The following PIP4P2 variants were observed in gnomAD, a reference collection of about 807,000 sequenced individuals.
The protein encoded by PIP4P2 is type 2 phosphatidylinositol 4,5-bisphosphate 4-phosphatase.
A neutral mutation model predicts 33.3 loss-of-function variants in PIP4P2; 19 were observed. That is an observed-to-expected ratio of 0.57 (90% CI 0.40 to 0.84). PIP4P2 has a LOEUF of 0.84. Among genes scored for constraint, PIP4P2 ranks in the 40% least tolerant of loss-of-function variants. PIP4P2 has a pLI of 0.00. For missense variants in PIP4P2, 270 were observed against 324.7 expected, an observed-to-expected ratio of 0.83 and a Z score of 1.29; for synonymous variants, 110 against 111.9, an observed-to-expected ratio of 0.98 and a Z score of 0.11.
intron 4 of PIP4P2, 61 bp downstream of exon 4, chr8:91,018,329 C>T: frequency 2.5e-6 from 4 of 1,610,502 alleles, no homozygotes; most frequent in Non-Finnish European, 3.4e-6. Context: ...ATGAGCAGTG[C>T]TCTAATCTGT....
chr8:91,029,297 A>AG (rs892456931), intron 1 of PIP4P2, among the ~76,000 whole-genome samples: 1 of 152,008 alleles, frequency 6.6e-6, no homozygotes, highest in African/African-American at 2.4e-5. Flanking sequence ...TCTCAAAAAA[A>AG]GAAAAAAAAA....
At chr8:91,032,514 C>T (rs1286673618) in intron 1 of PIP4P2, among the ~76,000 whole-genome samples, 1 of 152,142 alleles carries the variant, frequency 6.6e-6, no homozygotes, top group Non-Finnish European at 1.5e-5. Context: ...GGCGCGGTGG[C>T]TCATGCCTGT....
intron 2 of PIP4P2, 152 bp from the exon 3 acceptor site, chr8:91,020,415 A>G (rs1456912582): frequency 1.3e-6 from 1 of 743,816 alleles, no homozygotes; most frequent in East Asian, 2.7e-5. Flanking sequence ...TTTCTATAAA[A>G]CATATGAAGT....
chr8:91,007,379 A>G (rs754666129), intron 5 of PIP4P2, among the ~76,000 whole-genome samples: 13 of 152,224 alleles, frequency 8.5e-5, no homozygotes, highest in African/African-American at 2.4e-4. Context: ...CACATATTCT[A>G]CTTCCAAATA....
At position 91,018,465 on chromosome 8, in the gene PIP4P2, T is replaced by C. The variant is rs1457847552; in HGVS notation, c.411A>G (p.Gln137=). 4 of 1,613,912 alleles carry C rather than the reference T, an allele frequency of 2.5e-6. No homozygotes were observed. In the African/African-American group the frequency reaches 5.3e-5, roughly 22 times the overall value. Residue 137 remains glutamine, a synonymous_variant, in exon 4 of 7, where the codon CAA becomes CAG. Coordinates refer to ENST00000285419, the MANE Select transcript of PIP4P2 (RefSeq NM_018710.3). ...GGATTGGCAATGCAGGCTGAGCTGG[T>C]TGTTCTTCAGAAATAAGCATTACTG... ...LGPVMLISEE[Q]PAQPALPIQP... is the part of the protein sequence containing the mutation.
At chr8:91,013,266 T>C (rs1399653711) in intron 4 of PIP4P2, among the ~76,000 whole-genome samples, 3 of 152,112 alleles carry the variant, frequency 2.0e-5, no homozygotes, top group Non-Finnish European at 4.4e-5. Context: ...TCATTCCTTT[T>C]GTAATGTGGC....
intron 4 of PIP4P2, among the ~76,000 whole-genome samples, chr8:91,017,152 C>T (rs975724202): frequency 6.6e-6 from 1 of 152,128 alleles, no homozygotes; most frequent in African/African-American, 2.4e-5. Context: ...TGGGTAATGT[C>T]TAAAATTGCT....
At chr8:91,014,654 A>G (rs950536543) in intron 4 of PIP4P2, among the ~76,000 whole-genome samples, 8 of 151,964 alleles carry the variant, frequency 5.3e-5, no homozygotes, top group African/African-American at 1.9e-4. Flanking sequence ...AGGCTGAATA[A>G]TTTCTGAAGA....
rs1214457301 is a variant in PIP4P2 at position 91,035,407 on chromosome 8, C to A, written c.106+5237G>T. On this transcript the variant is annotated intron_variant, in intron 1 of 6. Transcript: ENST00000285419. ...AACTGTCACTAAAGTCCCTAATGAT[C>A]TCCATGACACTAACTTCAAAAGACA... Among the ~76,000 whole-genome samples the A allele has an allele frequency of 2.0e-5, 3 of 152,204 alleles. No individual in the cohort carries two copies. The South Asian group carries it at 6.2e-4, about 32-fold the overall frequency.
chr8:91,037,212 T>A (rs1278189249), intron 1 of PIP4P2, among the ~76,000 whole-genome samples: 1 of 152,168 alleles, frequency 6.6e-6, no homozygotes, highest in Non-Finnish European at 1.5e-5. Flanking sequence ...AAGAGAGTCT[T>A]CGGAGAATAT....
chr8:91,034,552 C>T (rs752123496), intron 1 of PIP4P2, among the ~76,000 whole-genome samples: 20 of 152,160 alleles, frequency 1.3e-4, no homozygotes, highest in Admixed American at 6.5e-5. Flanking sequence ...TAGCATAGCA[C>T]AATAGGCTTC....
intron 3 of PIP4P2, among the ~76,000 whole-genome samples, chr8:91,019,775 A>G (rs1811979265): frequency 6.6e-6 from 1 of 152,124 alleles, no homozygotes; most frequent in Non-Finnish European, 1.5e-5. Context: ...TATGTTGCTC[A>G]GTTTGGTCTC....
rs924015358 is a variant in PIP4P2, at chr8:90,994,552, C to A, written c.*1125G>T. On this transcript the variant is annotated 3_prime_UTR_variant, in exon 7 of 7. Coordinates refer to ENST00000285419, the MANE Select transcript of PIP4P2 (RefSeq NM_018710.3). Reference sequence around the variant, plus strand: ...TTAAGCAATTTCTTTTTCAAAACTGCAAAGATGGGCAGTGCGAGAGCTGAT... The same window carrying A: ...TTAAGCAATTTCTTTTTCAAAACTGAAAAGATGGGCAGTGCGAGAGCTGAT... 5.2e-5 allele frequency: 8 copies of A among 152,460 alleles called. No individual in the cohort carries two copies. The highest frequency in any genetic ancestry group is 6.6e-5 in the Admixed American group (1 of 15,266). 9.4% of individuals were successfully genotyped at this position (152,460 alleles called of 1,614,324 possible).
intron 1 of PIP4P2, among the ~76,000 whole-genome samples, chr8:91,034,974 G>A (rs1221112374): frequency 3.9e-5 from 6 of 152,144 alleles, no homozygotes; most frequent in African/African-American, 1.4e-4. Context: ...TCTAACCTTA[G>A]ATTTCTCCAG....
intron 5 of PIP4P2, among the ~76,000 whole-genome samples, chr8:91,008,196 C>T (rs2130357151): frequency 6.6e-6 from 1 of 152,154 alleles, no homozygotes; most frequent in African/African-American, 2.4e-5. Context: ...TATAAAATGT[C>T]TTTAATCAAA....
intron 1 of PIP4P2, among the ~76,000 whole-genome samples, chr8:91,021,956 A>G (rs1207193253): frequency 6.6e-6 from 1 of 152,186 alleles, no homozygotes; most frequent in Non-Finnish European, 1.5e-5. Flanking sequence ...TAAGAAAACT[A>G]AACTTCTCAG....
At chr8:91,002,713 A>G (rs548528542) in intron 5 of PIP4P2, among the ~76,000 whole-genome samples, 1 of 152,324 alleles carries the variant, frequency 6.6e-6, no homozygotes, top group South Asian at 2.1e-4. Context: ...GAATGTTTCT[A>G]CAGATGAAGA....
intron 4 of PIP4P2, among the ~76,000 whole-genome samples, chr8:91,011,167 G>GA (rs1215375887): frequency 2.6e-5 from 4 of 151,826 alleles, no homozygotes; most frequent in Non-Finnish European, 5.9e-5. Context: ...AGATACAAAT[G>GA]AAAAAAATCT....
At position 90,995,519 on chromosome 8, in the gene PIP4P2, T is replaced by G; in HGVS notation, c.*158A>C. The G allele has an allele frequency of 2.4e-6, 2 of 819,236 alleles. No individual in the cohort carries two copies. The highest frequency in any genetic ancestry group is 3.4e-6 in the Non-Finnish European group (2 of 584,708). 50.7% of individuals were successfully genotyped at this position (819,236 alleles called of 1,614,324 possible). A position where few individuals can be genotyped will look rare whatever the true frequency, so the allele number is the denominator to read the frequency against. On this transcript the variant is annotated 3_prime_UTR_variant, in exon 7 of 7. Transcript: ENST00000285419. Reference sequence around the variant, plus strand: ...GCAAAACAATTTGCATATAATATAGTGCAATGAGCATTTGTTCATAAAAGA... The same window carrying G: ...GCAAAACAATTTGCATATAATATAGGGCAATGAGCATTTGTTCATAAAAGA...
Sources: allele counts gnomAD v4.1 joint callset (sites outside exome capture counted in the v4.1 genomes callset), GRCh38; gene constraint gnomAD v4.1.1; transcripts MANE v1.5; gene names NCBI Gene and HGNC (gene_info 2026-07-23, HGNC 2026-07-21).